The following GPC3 variants were observed in gnomAD, a reference collection of about 807,000 sequenced individuals.
The protein encoded by GPC3 is glypican-3.
Under a neutral mutation model 34.4 loss-of-function variants are expected in GPC3, and 3 were observed. The observed-to-expected ratio is 0.09, with a 90% CI of 0.04 to 0.23. The LOEUF (loss-of-function observed/expected upper bound fraction) is 0.23. Among genes scored for constraint, GPC3 ranks in the 10% least tolerant of loss-of-function variants. The probability of loss-of-function intolerance (pLI) is 1.00; values close to 1 mark genes in which losing one functional copy is unlikely to be tolerated. For synonymous variants in GPC3, 177 were observed against 174.0 expected (o/e 1.02, Z -0.13); for missense variants, 351 against 445.6 (o/e 0.79, Z 1.91).
chrX:133,822,317 T>A (rs112531379), intron 2 of GPC3, among the ~76,000 whole-genome samples: 8 of 111,799 alleles, frequency 7.2e-5, no homozygotes, highest in African/African-American at 2.6e-4. Context: ...TACTTACCAA[T>A]GGCTCTAAAG....
chrX:133,593,524 C>A (rs1437104592), intron 7 of GPC3, among the ~76,000 whole-genome samples: 1 of 108,547 alleles, frequency 9.2e-6, no homozygotes, highest in Non-Finnish European at 1.9e-5. Context: ...TGAGGCTAGA[C>A]CAGAAGACCC....
chrX:133,951,559 A>G (rs142831860), intron 2 of GPC3, among the ~76,000 whole-genome samples: 168 of 111,616 alleles, frequency 1.5e-3, no homozygotes, highest in African/African-American at 5.4e-3. Context: ...CTCATGTCAC[A>G]TCATTTCTTC....
At position 133,851,882 on chromosome X, in the gene GPC3, A is replaced by T. The variant is rs980069418; in HGVS notation, c.338-97706T>A. On this transcript the variant is annotated intron_variant, in intron 2 of 7. Coordinates refer to ENST00000370818, the MANE Select transcript of GPC3 (RefSeq NM_004484.4). ...GGCATAAAAGCACAGCTAGAAAAGA[A>T]TTCAAACATTAGGGAGAACTTCTTG... 2.7e-5 allele frequency among the ~76,000 whole-genome samples: 3 copies of T among 112,368 alleles called. No individual in the cohort carries two copies. The Admixed American group carries it at 2.8e-4, about 11-fold the overall frequency.
intron 3 of GPC3, among the ~76,000 whole-genome samples, chrX:133,732,674 C>CAAAAAG: frequency 9.0e-6 from 1 of 110,575 alleles, no homozygotes; most frequent in Admixed American, 9.6e-5. Context: ...AATTTCTGGC[C>CAAAAAG]AAAAAGAAAA....
At chrX:133,815,469 GTTTGTTTTTGTT>G (rs373342845) in intron 2 of GPC3, among the ~76,000 whole-genome samples, 3 of 109,360 alleles carry the variant, frequency 2.7e-5, no homozygotes, top group Non-Finnish European at 5.7e-5. Context: ...AAGGAGTCAG[GTTTGTTTTTGTT>G]TTTGTTTTTG....
chrX:133,830,145 G>A (rs976668322), intron 2 of GPC3, among the ~76,000 whole-genome samples: 2 of 111,714 alleles, frequency 1.8e-5, no homozygotes, highest in African/African-American at 6.5e-5. Context: ...CTCCAGTACT[G>A]TAAAGATTAG....
At chrX:133,707,324 T>C (rs1014193025) in intron 3 of GPC3, among the ~76,000 whole-genome samples, 16 of 111,880 alleles carry the variant, frequency 1.4e-4, no homozygotes, top group African/African-American at 5.2e-4. Context: ...TATACCCATA[T>C]GACAAACCTG....
At chrX:133,884,365 A>C (rs963064861) in intron 2 of GPC3, among the ~76,000 whole-genome samples, 7 of 111,617 alleles carry the variant, frequency 6.3e-5, no homozygotes, top group African/African-American at 2.3e-4. Context: ...CAAGAGATTT[A>C]TCAAATTGCA....
At chrX:133,835,438 G>C (rs2075795093) in intron 2 of GPC3, among the ~76,000 whole-genome samples, 1 of 111,839 alleles carries the variant, frequency 8.9e-6, no homozygotes, top group African/African-American at 3.2e-5. Flanking sequence ...ATTCAATGAA[G>C]AGAACCATGA....
In GPC3 at chrX:133,940,982, C is replaced by T. The variant is rs750781923; in HGVS notation, c.337+12068G>A. On this transcript the variant is annotated intron_variant, in intron 2 of 7. Coordinates refer to ENST00000370818, the MANE Select transcript of GPC3 (RefSeq NM_004484.4). ...TCTTTCCAGAATTTGTACCACAAAA[C>T]AATGCTAAGCCACTGATTTATCTGA... is the stretch of plus-strand genomic sequence containing the variant. Among the ~76,000 whole-genome samples, 4 of 112,419 alleles carry T rather than the reference C, an allele frequency of 3.6e-5. No homozygotes were observed. In the Admixed American group the frequency reaches 3.8e-4, roughly 11 times the overall value.
chrX:133,892,578 G>C, intron 2 of GPC3, among the ~76,000 whole-genome samples: 1 of 110,929 alleles, frequency 9.0e-6, no homozygotes, highest in Admixed American at 9.6e-5. Flanking sequence ...AGGATGCTTG[G>C]ACTTTTTTGT....
intron 7 of GPC3, among the ~76,000 whole-genome samples, chrX:133,541,756 C>T (rs2069344847): frequency 9.0e-6 from 1 of 111,728 alleles, no homozygotes; most frequent in Non-Finnish European, 1.9e-5. Context: ...GGTTATTCAG[C>T]GTCTCCTAGC....
chrX:133,657,099 T>C (rs2070670982), intron 6 of GPC3, among the ~76,000 whole-genome samples: 1 of 112,151 alleles, frequency 8.9e-6, no homozygotes, highest in Non-Finnish European at 1.9e-5. Context: ...GGGCAGGTAT[T>C]GACTACTCTG....
chrX:133,604,972 A>G (rs2124340451), intron 6 of GPC3, among the ~76,000 whole-genome samples: 1 of 111,941 alleles, frequency 8.9e-6, no homozygotes, highest in South Asian at 3.7e-4. Context: ...CTTTTTTGGA[A>G]TGCCATTATT....
At chrX:133,784,572 A>T (rs1489178907) in intron 2 of GPC3, among the ~76,000 whole-genome samples, 1 of 112,201 alleles carries the variant, frequency 8.9e-6, no homozygotes, top group African/African-American at 3.2e-5. Context: ...CCCCAAGGAC[A>T]TGGACGCTTT....
chrX:133,793,649 T>C (rs1241362681), intron 2 of GPC3, among the ~76,000 whole-genome samples: 1 of 111,892 alleles, frequency 8.9e-6, no homozygotes, highest in Non-Finnish European at 1.9e-5. Context: ...CTCACAATTC[T>C]AATAGCCTAT....
At chrX:133,915,084 G>A (rs1279732953) in intron 2 of GPC3, among the ~76,000 whole-genome samples, 1 of 106,204 alleles carries the variant, frequency 9.4e-6, no homozygotes, top group Non-Finnish European at 1.9e-5. Flanking sequence ...AAGCATAATT[G>A]TTAACAGCAT....
intron 6 of GPC3, among the ~76,000 whole-genome samples, chrX:133,655,753 G>A (rs912052395): frequency 8.9e-6 from 1 of 111,918 alleles, no homozygotes. Flanking sequence ...GTGTTATTGT[G>A]AGAAGACTAT....
chrX:133,884,750 A>T (rs1042960782), intron 2 of GPC3, among the ~76,000 whole-genome samples: 35 of 111,916 alleles, frequency 3.1e-4, no homozygotes, highest in Non-Finnish European at 5.3e-4. Context: ...CGTCAAAGCT[A>T]GCATCTGGCA....
Sources: allele counts gnomAD v4.1 joint callset (sites outside exome capture counted in the v4.1 genomes callset), GRCh38; gene constraint gnomAD v4.1.1; transcripts MANE v1.5; gene names NCBI Gene and HGNC (gene_info 2026-07-23, HGNC 2026-07-21).